The following ANK2 variants were observed in gnomAD, a reference collection of about 807,000 sequenced individuals.
The protein encoded by ANK2 is ankyrin 2, also known as ankyrin-2.
A neutral mutation model predicts 360.5 loss-of-function variants in ANK2; 83 were observed. The ratio of observed to expected loss-of-function variants is 0.23; its 90% CI spans 0.19 to 0.28. ANK2 has a LOEUF of 0.28. Ranked by LOEUF, ANK2 falls within the 10% of genes least tolerant of loss-of-function variation. ANK2 has a pLI of 1.00. For missense variants in ANK2, 4,201 were observed against 4,795.7 expected, an observed-to-expected ratio of 0.88 and a Z score of 3.66; for synonymous variants, 1,740 against 1,759.5, an observed-to-expected ratio of 0.99 and a Z score of 0.28.
chr4:112,868,172 C>T (rs909847952), intron 1 of ANK2, among the ~76,000 whole-genome samples: 1 of 152,106 alleles, frequency 6.6e-6, no homozygotes, highest in Non-Finnish European at 1.5e-5. Context: ...AGCATTTTTT[C>T]ATGTGCTTGT....
At chr4:113,084,569 A>G (rs2083737816) in intron 1 of ANK2, among the ~76,000 whole-genome samples, 1 of 152,228 alleles carries the variant, frequency 6.6e-6, no homozygotes, top group Non-Finnish European at 1.5e-5. Flanking sequence ...GGATTTCTGA[A>G]ATTAAAAATA....
intron 2 of ANK2, among the ~76,000 whole-genome samples, chr4:112,942,375 G>A (rs1259039700): frequency 6.6e-6 from 1 of 152,080 alleles, no homozygotes; most frequent in Non-Finnish European, 1.5e-5. Flanking sequence ...GAGAATGAAA[G>A]TTAAGTTTAT....
At chr4:113,210,042 C>A (rs2099002960) in intron 4 of ANK2, among the ~76,000 whole-genome samples, 1 of 152,176 alleles carries the variant, frequency 6.6e-6, no homozygotes, top group East Asian at 1.9e-4. Flanking sequence ...AAGATGTTAG[C>A]TTTTGTGCCT....
chr4:113,230,152 C>T (rs117019241), intron 4 of ANK2, among the ~76,000 whole-genome samples: 22 of 152,174 alleles, frequency 1.4e-4, no homozygotes, highest in East Asian at 1.9e-4. Flanking sequence ...AATCCTACAA[C>T]GTTGTTAATT....
intron 1 of ANK2, among the ~76,000 whole-genome samples, chr4:112,819,405 CA>C (rs2056349559): frequency 6.6e-6 from 1 of 152,192 alleles, no homozygotes; most frequent in Non-Finnish European, 1.5e-5. Flanking sequence ...AATCTCTGCA[CA>C]AACCAGAGAC....
intron 45 of ANK2, among the ~76,000 whole-genome samples, chr4:113,376,939 T>A (rs2096964885): frequency 6.6e-6 from 1 of 151,232 alleles, no homozygotes; most frequent in African/African-American, 2.4e-5. Context: ...TCAGGAGCAA[T>A]AACATATGGA....
the ANK2 span, among the ~76,000 whole-genome samples, chr4:112,717,587 G>T: frequency 2.4e-3 from 370 of 152,104 alleles, 4 homozygotes; most frequent in African/African-American, 8.4e-3. Flanking sequence ...CAAATTATAA[G>T]GACTAATCAC....
chr4:112,914,330 C>G (rs746678322), intron 2 of ANK2, among the ~76,000 whole-genome samples: 1 of 152,152 alleles, frequency 6.6e-6, no homozygotes. Context: ...CTAAAGTGAA[C>G]TAAAATCTGG....
intron 1 of ANK2, among the ~76,000 whole-genome samples, chr4:112,867,257 A>G (rs1333230156): frequency 6.6e-6 from 1 of 151,926 alleles, no homozygotes; most frequent in Non-Finnish European, 1.5e-5. Context: ...CTTTTAAAAG[A>G]ATTATATTAA....
chr4:113,195,599 A>G (rs903713094), intron 2 of ANK2, among the ~76,000 whole-genome samples: 2 of 152,180 alleles, frequency 1.3e-5, no homozygotes, highest in African/African-American at 4.8e-5. Context: ...TCTGTATAAG[A>G]CAAGTGGGCT....
intron 38 of ANK2, among the ~76,000 whole-genome samples, chr4:113,359,853 T>G (rs1055391141): frequency 6.6e-6 from 1 of 152,204 alleles, no homozygotes; most frequent in Admixed American, 6.5e-5. Flanking sequence ...GGTAAATACT[T>G]TAAGCAAACA....
chr4:112,972,115 A>G (rs1385590981), intron 2 of ANK2, among the ~76,000 whole-genome samples: 2 of 152,190 alleles, frequency 1.3e-5, no homozygotes, highest in Admixed American at 6.5e-5. Context: ...TGTATGTAGC[A>G]TAGTGCTTGG....
At chr4:112,894,780 G>A (rs2150734881) in intron 1 of ANK2, among the ~76,000 whole-genome samples, 1 of 152,228 alleles carries the variant, frequency 6.6e-6, no homozygotes, top group Middle Eastern at 3.4e-3. Flanking sequence ...GAAACAAGAG[G>A]GAAGTTTGTT....
At chr4:112,721,941 A>G in the ANK2 span, among the ~76,000 whole-genome samples, 1 of 152,306 alleles carries the variant, frequency 6.6e-6, no homozygotes, top group African/African-American at 2.4e-5. Flanking sequence ...TCAGAGAGGT[A>G]ATTTGCATAT....
the ANK2 span, among the ~76,000 whole-genome samples, chr4:112,810,896 G>A: frequency 4.0e-5 from 6 of 150,470 alleles, no homozygotes; most frequent in Non-Finnish European, 8.9e-5. Flanking sequence ...TTTTCTTGCT[G>A]AAGAGACTGG....
chr4:113,198,649 CT>C (rs2098785189), intron 3 of ANK2, among the ~76,000 whole-genome samples: 1 of 151,944 alleles, frequency 6.6e-6, no homozygotes. Flanking sequence ...TTCAGTAAAC[CT>C]TTTTTTAGTT....
chr4:112,928,805 A>T (rs2092867096), intron 2 of ANK2, among the ~76,000 whole-genome samples: 1 of 152,076 alleles, frequency 6.6e-6, no homozygotes, highest in African/African-American at 2.4e-5. Flanking sequence ...TAGCTCCCAG[A>T]ATTGTAGAAA....
At chr4:113,119,471 G>C (rs2095181039) in intron 1 of ANK2, among the ~76,000 whole-genome samples, 1 of 151,702 alleles carries the variant, frequency 6.6e-6, no homozygotes, top group African/African-American at 2.4e-5. Flanking sequence ...ACCTTAAGGT[G>C]TACATCATAC....
At chr4:112,904,401 G>A (rs1013243890) in intron 1 of ANK2, 10 of 1,059,224 alleles carry the variant, frequency 9.4e-6, no homozygotes, top group African/African-American at 6.6e-5. Flanking sequence ...TGTTCTTAAT[G>A]ATAAATTGAA....
Sources: gnomAD v4.1 joint callset for allele counts (sites outside exome capture counted in the v4.1 genomes callset) on GRCh38, gnomAD v4.1.1 for gene constraint, MANE v1.5 for transcripts, NCBI Gene and HGNC (gene_info 2026-07-23, HGNC 2026-07-21) for gene names.